The following FHIT variants were observed in gnomAD, a reference collection of about 807,000 sequenced individuals.
FHIT encodes the protein fragile histidine triad diadenosine triphosphatase.
FHIT carries 19 observed loss-of-function variants against 17.9 expected under a neutral mutation model. The observed-to-expected ratio is 1.06, with a 90% confidence interval of 0.74 to 1.56. The LOEUF is 1.56. Ranked by LOEUF, FHIT falls within the 40% of genes most tolerant of loss-of-function variation. The pLI, the probability that FHIT is intolerant of heterozygous loss-of-function variation, is 0.00. For missense variants in FHIT, 248 were observed against 189.2 expected (o/e 1.31, Z -1.82); for synonymous variants, 81 against 69.7 (o/e 1.16, Z -0.81).
intron 5 of FHIT, among the ~76,000 whole-genome samples, chr3:60,138,396 T>C (rs1357598157): frequency 6.6e-6 from 1 of 152,188 alleles, no homozygotes; most frequent in East Asian, 1.9e-4. Flanking sequence ...ACATTGTCTC[T>C]CCTCTTTGAG....
At chr3:60,480,192 A>T (rs1559949245) in intron 5 of FHIT, among the ~76,000 whole-genome samples, 1 of 152,082 alleles carries the variant, frequency 6.6e-6, no homozygotes, top group Admixed American at 6.5e-5. Flanking sequence ...GAGTCCGGAG[A>T]CTTATCAAAT....
intron 5 of FHIT, among the ~76,000 whole-genome samples, chr3:60,095,730 A>C (rs944100470): frequency 6.6e-6 from 1 of 152,230 alleles, no homozygotes; most frequent in South Asian, 2.1e-4. Context: ...GATCTCTCAC[A>C]GGCTGAGAAA....
intron 3 of FHIT, among the ~76,000 whole-genome samples, chr3:61,003,563 C>G (rs539250036): frequency 1.3e-5 from 2 of 152,300 alleles, no homozygotes; most frequent in East Asian, 1.9e-4. Context: ...TATGACTGCT[C>G]TAGTACTGAG....
intron 5 of FHIT, among the ~76,000 whole-genome samples, chr3:60,300,657 C>A (rs17400084): frequency 6.6e-6 from 1 of 151,960 alleles, no homozygotes; most frequent in Non-Finnish European, 1.5e-5. Context: ...TATTGCACTC[C>A]GATGATAAAC....
intron 5 of FHIT, among the ~76,000 whole-genome samples, chr3:60,332,400 G>A (rs1012890085): frequency 4.6e-5 from 7 of 152,160 alleles, no homozygotes; most frequent in African/African-American, 1.4e-4. Flanking sequence ...GAGTATCTAC[G>A]ATGGAGGAAA....
intron 3 of FHIT, among the ~76,000 whole-genome samples, chr3:61,003,734 T>C (rs1358853223): frequency 2.0e-5 from 3 of 152,280 alleles, no homozygotes; most frequent in Admixed American, 2.0e-4. Context: ...ATGTTCTTTA[T>C]TATTTCAAAT....
intron 3 of FHIT, among the ~76,000 whole-genome samples, chr3:61,002,875 G>T (rs1190419814): frequency 6.6e-6 from 1 of 152,014 alleles, no homozygotes; most frequent in Non-Finnish European, 1.5e-5. Flanking sequence ...TACCCCTTCT[G>T]ATAGTTGCTT....
chr3:61,193,567 C>T (rs192284896), intron 2 of FHIT, among the ~76,000 whole-genome samples: 1 of 152,264 alleles, frequency 6.6e-6, no homozygotes, highest in East Asian at 1.9e-4. Context: ...TGAGCAGACA[C>T]TCCAAACACC....
chr3:59,947,272 C>T (rs1315702468), intron 7 of FHIT, among the ~76,000 whole-genome samples: 3 of 152,118 alleles, frequency 2.0e-5, no homozygotes, highest in Non-Finnish European at 4.4e-5. Context: ...TTATCCACTT[C>T]TTGTACGTTT....
intron 5 of FHIT, among the ~76,000 whole-genome samples, chr3:60,300,220 C>T (rs1708395191): frequency 1.3e-5 from 2 of 152,164 alleles, no homozygotes; most frequent in South Asian, 2.1e-4. Context: ...AAAAAGTACA[C>T]CTTTTTCCTA....
At chr3:59,891,053 G>C (rs192014147) in intron 8 of FHIT, among the ~76,000 whole-genome samples, 2 of 152,352 alleles carry the variant, frequency 1.3e-5, no homozygotes, top group African/African-American at 4.8e-5. Context: ...CGTAAGGTCA[G>C]AATAAGGGTT....
chr3:61,190,806 T>A (rs2038689787), intron 2 of FHIT, among the ~76,000 whole-genome samples: 1 of 151,762 alleles, frequency 6.6e-6, no homozygotes, highest in Non-Finnish European at 1.5e-5. Context: ...CTGGAAACCA[T>A]CATTCTCAGC....
chr3:60,097,617 T>G (rs1364788607), intron 5 of FHIT, among the ~76,000 whole-genome samples: 1 of 152,214 alleles, frequency 6.6e-6, no homozygotes, highest in African/African-American at 2.4e-5. Flanking sequence ...GTCTTTACAA[T>G]GATCCATTTC....
chr3:60,255,483 G>C (rs1305756145), intron 5 of FHIT, among the ~76,000 whole-genome samples: 1 of 151,916 alleles, frequency 6.6e-6, no homozygotes, highest in South Asian at 2.1e-4. Flanking sequence ...GCAGCCAGCC[G>C]GACAGAGCAA....
At chr3:60,445,178 T>A (rs1322840829) in intron 5 of FHIT, among the ~76,000 whole-genome samples, 2 of 152,078 alleles carry the variant, frequency 1.3e-5, no homozygotes, top group Non-Finnish European at 1.5e-5. Flanking sequence ...TCCCCGGCCC[T>A]ATCTCCAGAG....
chr3:60,275,758 A>G (rs563041364), intron 5 of FHIT, among the ~76,000 whole-genome samples: 1 of 152,306 alleles, frequency 6.6e-6, no homozygotes, highest in East Asian at 1.9e-4. Flanking sequence ...TATAAAGGAG[A>G]GTCAGTTACT....
intron 5 of FHIT, among the ~76,000 whole-genome samples, chr3:60,352,948 A>AT (rs1699484115): frequency 2.0e-5 from 3 of 152,238 alleles, no homozygotes; most frequent in African/African-American, 7.2e-5. Context: ...TCCTACATTT[A>AT]TACCTCCCTT....
chr3:60,191,895 A>G (rs996463728), intron 5 of FHIT, among the ~76,000 whole-genome samples: 4 of 152,150 alleles, frequency 2.6e-5, no homozygotes, highest in Admixed American at 2.0e-4. Flanking sequence ...CAGAAAATGA[A>G]AAGTTCAGAT....
chr3:59,984,997 C>T (rs1253086880), intron 7 of FHIT, among the ~76,000 whole-genome samples: 1 of 152,030 alleles, frequency 6.6e-6, no homozygotes, highest in African/African-American at 2.4e-5. Flanking sequence ...GAAATGGAAT[C>T]TCAGATAGGT....
Sources: gnomAD v4.1 joint callset for allele counts (sites outside exome capture counted in the v4.1 genomes callset) on GRCh38, gnomAD v4.1.1 for gene constraint, MANE v1.5 for transcripts, NCBI Gene and HGNC (gene_info 2026-07-23, HGNC 2026-07-21) for gene names.